SV2B: variants seen among roughly 807,000 people sequenced by gnomAD.
The protein encoded by SV2B is solute carrier family 22 member B2.
SV2B carries 41 observed loss-of-function variants against 73.9 expected under a neutral mutation model. That is an observed-to-expected ratio of 0.56 (90% CI 0.43 to 0.72). The LOEUF is 0.72. Ranked by LOEUF, SV2B falls within the 30% of genes least tolerant of loss-of-function variation. The pLI, the probability that SV2B is intolerant of heterozygous loss-of-function variation, is 0.00. For synonymous variants in SV2B, 314 were observed against 314.2 expected, an observed-to-expected ratio of 1.00 and a Z score of 0.01; for missense variants, 764 against 857.8, an observed-to-expected ratio of 0.89 and a Z score of 1.37.
intron 9 of SV2B, among the ~76,000 whole-genome samples, chr15:91,271,362 T>C (rs1221703457): frequency 6.6e-6 from 1 of 152,218 alleles, no homozygotes; most frequent in Admixed American, 6.5e-5. Flanking sequence ...ACAATGAAAT[T>C]GCTAATAATG....
chr15:91,235,017 G>GT (rs1451010682), intron 2 of SV2B, among the ~76,000 whole-genome samples: 1 of 152,152 alleles, frequency 6.6e-6, no homozygotes, highest in East Asian at 1.9e-4. Context: ...TTGTTCTGTG[G>GT]TTTTCCCCCC....
At chr15:91,161,793 T>G (rs183311973) in intron 1 of SV2B, among the ~76,000 whole-genome samples, 90 of 152,366 alleles carry the variant, frequency 5.9e-4, no homozygotes, top group Middle Eastern at 6.8e-3. Context: ...GTTAATCTGG[T>G]ATTCAGTGTC....
rs145197404 is a variant in SV2B, at chr15:91,130,422, A to G, written c.-392+30059A>G. Among the ~76,000 whole-genome samples the G allele has an allele frequency of 8.2e-3, 1,246 of 152,316 alleles. 16 individuals carry two copies. Among genetic ancestry groups the G allele is most frequent in the African/African-American group, 0.028 (1,178 of 41,558 alleles). On this transcript the variant is annotated intron_variant, in intron 1 of 12. Transcript: ENST00000394232. This position sits in a 1 kb window ranked among gnomAD's most constrained non-coding sequence, Gnocchi z 5.6. ...AGTGGCTGAAATCATCCAGGGAGAC[A>G]GAATAGAAGCAGAAAATCTCATGCT...
intron 1 of SV2B, among the ~76,000 whole-genome samples, chr15:91,213,522 A>C (rs2045932288): frequency 6.6e-6 from 1 of 152,072 alleles, no homozygotes; most frequent in Non-Finnish European, 1.5e-5. Context: ...TAAAGTGCTC[A>C]ACTCAGAACG....
intron 1 of SV2B, among the ~76,000 whole-genome samples, chr15:91,104,203 T>A (rs964987175): frequency 2.6e-5 from 4 of 152,224 alleles, no homozygotes; most frequent in Admixed American, 2.6e-4. Flanking sequence ...AGTTCTGCAG[T>A]TCTGAGTTGT....
intron 6 of SV2B, among the ~76,000 whole-genome samples, chr15:91,264,537 A>G (rs893177735): frequency 7.2e-5 from 11 of 152,162 alleles, no homozygotes; most frequent in African/African-American, 1.9e-4. Context: ...CACTCAGCCA[A>G]CTGGGATTGG....
At chr15:91,204,296 A>G (rs1043086933) in intron 1 of SV2B, among the ~76,000 whole-genome samples, 26 of 152,168 alleles carry the variant, frequency 1.7e-4, no homozygotes, top group African/African-American at 6.3e-4. Flanking sequence ...ATTAATTAAA[A>G]TTTAACTCAG....
chr15:91,188,299 ATTTATT>A (rs2044856676), intron 1 of SV2B, among the ~76,000 whole-genome samples: 5 of 60,456 alleles, frequency 8.3e-5, no homozygotes, highest in Admixed American at 3.7e-4. Flanking sequence ...TTATTTATTT[ATTTATT>A]TATTTATTTA....
Position 91,234,138 on chromosome 15 carries a change from C to T in SV2B, c.451+7424C>T, listed in dbSNP as rs1164443233. 6.6e-6 allele frequency among the ~76,000 whole-genome samples: 1 copy of T among 152,150 alleles called. No individual in the cohort carries two copies. The highest frequency in any genetic ancestry group is 1.9e-4 in the East Asian group (1 of 5,198). On this transcript the variant is annotated intron_variant, in intron 2 of 12. Transcript: ENST00000394232. This position sits in a 1 kb window ranked among gnomAD's most constrained non-coding sequence, Gnocchi z 5.6. ...CCCATAGTAAATGAAGTCGAAATGCCAGACCTATGTTGGTTTATGGTAGAG... is the reference window on the plus strand; with the variant it reads ...CCCATAGTAAATGAAGTCGAAATGCTAGACCTATGTTGGTTTATGGTAGAG...
chr15:91,170,697 T>G (rs2044092669), intron 1 of SV2B, among the ~76,000 whole-genome samples: 1 of 152,224 alleles, frequency 6.6e-6, no homozygotes, highest in African/African-American at 2.4e-5. Context: ...TCCTCTTAGA[T>G]TCACCATTGT....
Position 91,252,227 on chromosome 15 carries a change from G to A in SV2B, c.633-142G>A. 1.6e-6 allele frequency: 2 copies of A among 1,229,834 alleles called. No homozygotes were observed. The highest frequency in any genetic ancestry group is 2.4e-5 in the East Asian group (1 of 42,414). 76.2% of individuals were successfully genotyped at this position (1,229,834 alleles called of 1,614,324 possible). A position where few individuals can be genotyped will look rare whatever the true frequency, so the allele number is the denominator to read the frequency against. ...TCCAAGACTGCTTCCCACATGTAGAGAGGAACTAACTGGCCGGTCTCTCAA... is the reference window on the plus strand; with the variant it reads ...TCCAAGACTGCTTCCCACATGTAGAAAGGAACTAACTGGCCGGTCTCTCAA... On this transcript the variant is annotated intron_variant, in intron 3 of 12. Transcript: ENST00000394232. This position sits in a 1 kb window ranked among gnomAD's most constrained non-coding sequence, Gnocchi z 4.6.
At chr15:91,194,000 T>TG (rs752479173) in intron 1 of SV2B, among the ~76,000 whole-genome samples, 11 of 151,782 alleles carry the variant, frequency 7.2e-5, no homozygotes, top group African/African-American at 2.4e-4. Flanking sequence ...TAGAGGTTTT[T>TG]TTTGTTTGTT....
chr15:91,126,748 G>GA (rs1215689571), intron 1 of SV2B, among the ~76,000 whole-genome samples: 3 of 152,098 alleles, frequency 2.0e-5, no homozygotes, highest in Non-Finnish European at 2.9e-5. Context: ...TGGAATAAAA[G>GA]AAAAAACTTA....
rs1004464702 is a variant in SV2B, at chr15:91,240,510, T to C, written c.452-11309T>C. 3.9e-5 allele frequency among the ~76,000 whole-genome samples: 6 copies of C among 152,126 alleles called. No homozygotes were observed. The highest frequency in any genetic ancestry group is 1.4e-4 in the African/African-American group (6 of 41,416). The stretch of plus-strand genomic sequence containing the variant: ...CTCCTGTCCTGTCATGGAGCCAACA[T>C]TTTAATAAAGAAAAAGGCTAAAAAA... On this transcript the variant is annotated intron_variant, in intron 2 of 12. Coordinates refer to ENST00000394232, the MANE Select transcript of SV2B (RefSeq NM_001323032.3). The surrounding 1 kb of genome is among the most constrained non-coding windows in gnomAD (Gnocchi z 4.6).
At chr15:91,185,179 C>A (rs1394857677) in intron 1 of SV2B, among the ~76,000 whole-genome samples, 1 of 152,194 alleles carries the variant, frequency 6.6e-6, no homozygotes, top group Non-Finnish European at 1.5e-5. Context: ...CTCAGTGGAG[C>A]CCACCTCAGC....
chr15:91,226,785 C>A, intron 2 of SV2B, 71 bp downstream of exon 2: 4 of 1,506,686 alleles, frequency 2.7e-6, no homozygotes, highest in Non-Finnish European at 3.5e-6. Context: ...GTATCTGTCA[C>A]TATTAGGCAC....
chr15:91,278,548 G>A (rs1438349075), intron 9 of SV2B, among the ~76,000 whole-genome samples: 6 of 148,844 alleles, frequency 4.0e-5, no homozygotes, highest in Admixed American at 6.6e-5. Flanking sequence ...GCGCGGTGGC[G>A]GGTGCCTGTA....
chr15:91,157,666 G>C (rs1412997052), intron 1 of SV2B, among the ~76,000 whole-genome samples: 2 of 152,208 alleles, frequency 1.3e-5, no homozygotes, highest in Non-Finnish European at 2.9e-5. Flanking sequence ...GGGGAGAACT[G>C]AGGCATAGGG....
rs930238379 is a variant in SV2B, at chr15:91,139,222, G to C, written c.-392+38859G>C. On this transcript the variant is annotated intron_variant, in intron 1 of 12. Transcript: ENST00000394232. This position sits in a 1 kb window ranked among gnomAD's most constrained non-coding sequence, Gnocchi z 5.2. ...GGAAGGAGGTTGGAGAACTGGGTAG[G>C]GGTATAGATGATATGAGATTGGAAT... Among the ~76,000 whole-genome samples, 3 of 152,106 alleles carry C rather than the reference G, an allele frequency of 2.0e-5. No individual in the cohort carries two copies. The highest frequency in any genetic ancestry group is 6.5e-5 in the Admixed American group (1 of 15,276).
Sources: gnomAD v4.1 joint callset for allele counts (sites outside exome capture counted in the v4.1 genomes callset) on GRCh38, gnomAD v4.1.1 for gene constraint, Gnocchi (gnomAD v3.1) non-coding constraint, MANE v1.5 for transcripts, NCBI Gene and HGNC (gene_info 2026-07-23, HGNC 2026-07-21) for gene names.